The following TOP6BL variants were observed in gnomAD, a reference collection of about 807,000 sequenced individuals.
TOP6BL encodes the protein type 2 DNA topoisomerase 6 subunit B-like.
the TOP6BL span, among the ~76,000 whole-genome samples, chr11:66,798,740 G>A: frequency 6.6e-6 from 1 of 152,026 alleles, no homozygotes; most frequent in Non-Finnish European, 1.5e-5. Flanking sequence ...TTAAACACAG[G>A]CAAGCATTAA....
At chr11:66,773,282 G>A in the TOP6BL span, among the ~76,000 whole-genome samples, 1 of 151,392 alleles carries the variant, frequency 6.6e-6, no homozygotes, top group African/African-American at 2.4e-5. Flanking sequence ...TGGAACTCCT[G>A]GGCTCAAGCG....
At chr11:66,813,597 G>A in the TOP6BL span, among the ~76,000 whole-genome samples, 398 of 152,276 alleles carry the variant, frequency 2.6e-3, 5 homozygotes, top group African/African-American at 9.0e-3. Context: ...GTCAGGCATA[G>A]TGGCATGCAC....
chr11:66,776,319 A>G, the TOP6BL span, among the ~76,000 whole-genome samples: 2 of 151,920 alleles, frequency 1.3e-5, no homozygotes, highest in Admixed American at 1.3e-4. Context: ...TCGGCCTCCC[A>G]AAGTGCTGGA....
the TOP6BL span, among the ~76,000 whole-genome samples, chr11:66,750,989 G>A: frequency 4.6e-5 from 7 of 151,912 alleles, no homozygotes; most frequent in East Asian, 1.4e-3. Flanking sequence ...GCAGGTGTTA[G>A]CCACCACGCC....
At chr11:66,762,040 A>G in the TOP6BL span, 4 of 1,442,630 alleles carry the variant, frequency 2.8e-6, no homozygotes, top group African/African-American at 1.4e-5. Flanking sequence ...TTTTCCCCCC[A>G]GCAACTTTCC....
chr11:66,761,797 A>T, the TOP6BL span: 1 of 808,760 alleles, frequency 1.2e-6, no homozygotes, highest in East Asian at 2.5e-5. Flanking sequence ...ACCAAAAGCT[A>T]ACTTCCCTGA....
chr11:66,777,677 G>A, the TOP6BL span, among the ~76,000 whole-genome samples: 1 of 152,074 alleles, frequency 6.6e-6, no homozygotes, highest in Non-Finnish European at 1.5e-5. Context: ...GATCACTTGA[G>A]GTCAGGAGTT....
At chr11:66,784,176 G>A in the TOP6BL span, among the ~76,000 whole-genome samples, 18 of 151,966 alleles carry the variant, frequency 1.2e-4, no homozygotes, top group East Asian at 3.9e-4. Context: ...GACTACAGGC[G>A]CCTGCCACCA....
the TOP6BL span, chr11:66,788,160 A>G: frequency 6.2e-7 from 1 of 1,608,052 alleles, no homozygotes; most frequent in African/African-American, 1.3e-5. Flanking sequence ...TCTCACACAG[A>G]AATACAGTCC....
the TOP6BL span, among the ~76,000 whole-genome samples, chr11:66,797,378 T>C: frequency 7.9e-5 from 12 of 151,986 alleles, no homozygotes; most frequent in African/African-American, 2.9e-4. Flanking sequence ...TTATTTTCAC[T>C]TTTTTTTATT....
chr11:66,759,108 C>A, the TOP6BL span: 2 of 1,504,808 alleles, frequency 1.3e-6, no homozygotes, highest in Admixed American at 1.9e-5. Context: ...TAAAGAATTA[C>A]CTAACTTCCA....
chr11:66,806,469 T>C, the TOP6BL span, among the ~76,000 whole-genome samples: 1 of 152,068 alleles, frequency 6.6e-6, no homozygotes, highest in African/African-American at 2.4e-5. Context: ...TATAGAAAAT[T>C]ATAAACAATG....
At chr11:66,825,758 A>C in the TOP6BL span, among the ~76,000 whole-genome samples, 1 of 152,160 alleles carries the variant, frequency 6.6e-6, no homozygotes, top group Non-Finnish European at 1.5e-5. Flanking sequence ...ATTCTCAATA[A>C]ATGTTAGTGT....
the TOP6BL span, among the ~76,000 whole-genome samples, chr11:66,759,803 G>A: frequency 5.3e-5 from 8 of 152,180 alleles, no homozygotes; most frequent in Admixed American, 2.0e-4. Flanking sequence ...TGCTGGTCTC[G>A]AACTTCTGAG....
At chr11:66,753,532 G>C in the TOP6BL span, among the ~76,000 whole-genome samples, 1 of 142,022 alleles carries the variant, frequency 7.0e-6, no homozygotes, top group African/African-American at 2.6e-5. Context: ...TCAGCCTCCC[G>C]AGTAGCTGGG....
At chr11:66,814,849 C>G in the TOP6BL span, among the ~76,000 whole-genome samples, 1 of 152,168 alleles carries the variant, frequency 6.6e-6, no homozygotes, top group African/African-American at 2.4e-5. Flanking sequence ...CTGTAATATT[C>G]CCATAAGCTC....
chr11:66,792,216 C>G, the TOP6BL span, among the ~76,000 whole-genome samples: 2 of 152,320 alleles, frequency 1.3e-5, no homozygotes, highest in African/African-American at 2.4e-5. Context: ...ACATTAGTCA[C>G]TTTATCCTAA....
At chr11:66,809,000 C>G in the TOP6BL span, among the ~76,000 whole-genome samples, 1 of 152,150 alleles carries the variant, frequency 6.6e-6, no homozygotes, top group East Asian at 1.9e-4. Context: ...GGCTGGAGTG[C>G]AGTGGCTCGA....
chr11:66,810,896 C>T, the TOP6BL span, among the ~76,000 whole-genome samples: 42 of 121,308 alleles, frequency 3.5e-4, no homozygotes, highest in African/African-American at 1.4e-3. Context: ...TCTCTCCCTT[C>T]AGGCTCCAAT....
Sources: allele counts gnomAD v4.1 joint callset (sites outside exome capture counted in the v4.1 genomes callset), GRCh38; gene constraint gnomAD v4.1.1; transcripts MANE v1.5; gene names NCBI Gene and HGNC (gene_info 2026-07-23, HGNC 2026-07-21).